The following ADAP1 variants were observed in gnomAD, a reference collection of about 807,000 sequenced individuals.
The protein encoded by ADAP1 is arf-GAP with dual PH domain-containing protein 1.
A neutral mutation model predicts 54.9 loss-of-function variants in ADAP1; 31 were observed. That is an observed-to-expected ratio of 0.56 (90% CI 0.42 to 0.76). The LOEUF is 0.76. ADAP1 is among the 30% of genes least tolerant of loss of function. The pLI is 0.00. For synonymous variants in ADAP1, 313 were observed against 202.6 expected, an observed-to-expected ratio of 1.55 and a Z score of -4.63; for missense variants, 535 against 512.4, an observed-to-expected ratio of 1.04 and a Z score of -0.42.
At chr7:934,696 C>A (rs2128108614) in intron 2 of ADAP1, among the ~76,000 whole-genome samples, 1 of 152,290 alleles carries the variant, frequency 6.6e-6, no homozygotes, top group East Asian at 1.9e-4. Context: ...GCCCTTCCTG[C>A]CGCCTCCAGC....
intron 4 of ADAP1, among the ~76,000 whole-genome samples, chr7:912,106 C>T (rs1274932410): frequency 6.6e-5 from 10 of 152,214 alleles, no homozygotes; most frequent in Admixed American, 1.3e-4. Flanking sequence ...TCCTGGGCTC[C>T]GTCTGCCCTG....
intron 3 of ADAP1, among the ~76,000 whole-genome samples, chr7:922,251 A>G (rs12669946): frequency 0.39 from 59,194 of 152,096 alleles, 12,870 homozygotes; most frequent in East Asian, 0.68. Flanking sequence ...CCCACGCCCC[A>G]GGAAGTGCCC....
chr7:919,238 C>T (rs916656269), intron 4 of ADAP1, among the ~76,000 whole-genome samples: 1 of 152,226 alleles, frequency 6.6e-6, no homozygotes, highest in Non-Finnish European at 1.5e-5. Flanking sequence ...AGAGGACGCC[C>T]TCACGCCCCT....
At chr7:902,849 TC>T (rs1844891350) in intron 6 of ADAP1, among the ~76,000 whole-genome samples, 1 of 152,146 alleles carries the variant, frequency 6.6e-6, no homozygotes, top group Admixed American at 6.5e-5. Context: ...GATGGAGGAA[TC>T]CGTGGTGCAA....
chr7:919,598 G>A (rs1191397257), intron 4 of ADAP1, among the ~76,000 whole-genome samples: 1 of 144,478 alleles, frequency 6.9e-6, no homozygotes, highest in African/African-American at 2.6e-5. Context: ...GAGAGAGGAA[G>A]AGAGACAGAG....
intron 6 of ADAP1, 40 bp from the exon 7 acceptor site, chr7:900,656 T>C (rs1260487139): frequency 8.7e-6 from 13 of 1,487,512 alleles, no homozygotes; most frequent in Non-Finnish European, 9.9e-6. Flanking sequence ...CTGAGGAGGC[T>C]GCAGCGCTGG....
rs1846173785 is a variant in ADAP1, at chr7:921,000, G to C, written c.306-950C>G. 1 of 803,946 alleles carries C rather than the reference G, an allele frequency of 1.2e-6. No individual in the cohort carries two copies. Among genetic ancestry groups the C allele is most frequent in the Non-Finnish European group, 2.0e-6 (1 of 510,018 alleles). The allele number at this position is 803,946 out of a possible 1,614,324, so 49.8% of individuals were successfully genotyped here. On this transcript the variant is annotated intron_variant, in intron 3 of 10. Transcript: ENST00000265846. This position sits in a 1 kb window ranked among gnomAD's most constrained non-coding sequence, Gnocchi z 4.5. ...AGGATCTGATGGGTGATGGGTCCCA[G>C]CTGGGTCTCTGGCCCCTGGCCCCAG...
At chr7:950,426 C>A (rs906985066) in intron 1 of ADAP1, among the ~76,000 whole-genome samples, 4 of 145,952 alleles carry the variant, frequency 2.7e-5, no homozygotes, top group Non-Finnish European at 5.9e-5. Context: ...GCGGAGCTTG[C>A]AGTGAGCTGA....
rs546020274 is a variant in ADAP1, at chr7:900,788, C to A, written c.649-172G>T. 54 of 656,086 alleles carry A rather than the reference C, an allele frequency of 8.2e-5. No homozygotes were observed. The East Asian group carries it at 1.5e-3, about 18-fold the overall frequency. 40.6% of individuals were successfully genotyped at this position (656,086 alleles called of 1,614,324 possible). On this transcript the variant is annotated intron_variant, in intron 6 of 10. Transcript: ENST00000265846. ...GCCGCAGGCCTGGCCCCTGTGCCCA[C>A]GCTGAGGCCGGGGCTGCTACACAGG...
At chr7:949,668 C>A (rs1385477143) in intron 1 of ADAP1, among the ~76,000 whole-genome samples, 1 of 152,210 alleles carries the variant, frequency 6.6e-6, no homozygotes, top group Non-Finnish European at 1.5e-5. Flanking sequence ...GGAGAGGGGG[C>A]CCAGTCTAGG....
chr7:946,076 G>A lies in ADAP1; in HGVS notation c.82+8320C>T, dbSNP rs1471701267. Among the ~76,000 whole-genome samples, 1 of 152,222 alleles carries A rather than the reference G, an allele frequency of 6.6e-6. No individual in the cohort carries two copies. Among genetic ancestry groups the A allele is most frequent in the Non-Finnish European group, 1.5e-5 (1 of 68,022 alleles). ...GAGGTGGGAGGGTGCCCTTGTGGGA[G>A]GGGCTCCGGTGCCCACCACCCTTCA... On this transcript the variant is annotated intron_variant, in intron 1 of 10. Coordinates refer to ENST00000265846, the MANE Select transcript of ADAP1 (RefSeq NM_006869.4). This position sits in a 1 kb window ranked among gnomAD's most constrained non-coding sequence, Gnocchi z 4.3.
intron 1 of ADAP1, among the ~76,000 whole-genome samples, chr7:950,300 G>A (rs1222872318): frequency 1.3e-5 from 2 of 152,026 alleles, no homozygotes; most frequent in South Asian, 2.1e-4. Context: ...CCTGGCTAAC[G>A]TGGTGAAACC....
At chr7:939,511 C>T (rs989438447) in intron 1 of ADAP1, among the ~76,000 whole-genome samples, 3 of 151,904 alleles carry the variant, frequency 2.0e-5, no homozygotes, top group Non-Finnish European at 4.4e-5. Flanking sequence ...AGCCACCACG[C>T]CCAGCCTACT....
intron 4 of ADAP1, among the ~76,000 whole-genome samples, chr7:906,709 C>CATCGGGGAT (rs1554272421): frequency 2.4e-5 from 1 of 41,688 alleles, no homozygotes; most frequent in African/African-American, 1.1e-4. Context: ...ACATGGGGGA[C>CATCGGGGAT]GGGACATCGG....
At chr7:933,461 G>C (rs545878601) in intron 2 of ADAP1, among the ~76,000 whole-genome samples, 8 of 94,770 alleles carry the variant, frequency 8.4e-5, no homozygotes, top group East Asian at 3.2e-4. Context: ...CCCAACCAGG[G>C]GCAGGGGTCA....
intron 1 of ADAP1, among the ~76,000 whole-genome samples, chr7:953,122 C>T (rs996840420): frequency 1.3e-5 from 2 of 152,238 alleles, no homozygotes; most frequent in Non-Finnish European, 2.9e-5. Context: ...TCCTGGGGAG[C>T]GTTCCTGAAC....
At chr7:928,833 G>A (rs57403078) in intron 2 of ADAP1, among the ~76,000 whole-genome samples, 37,444 of 152,234 alleles carry the variant, frequency 0.25, 5,494 homozygotes, top group Middle Eastern at 0.44. Context: ...AGAGTCCAGC[G>A]ATTCCTCTGC....
At chr7:902,477 A>ATGCCTGGGCGTGGTGGTGCGCGCCT (rs1554270766) in intron 6 of ADAP1, among the ~76,000 whole-genome samples, 159 of 142,458 alleles carry the variant, frequency 1.1e-3, no homozygotes, top group African/African-American at 1.6e-3. Flanking sequence ...AAAAAGAAAG[A>ATGCCTGGGCGTGGTGGTGCGCGCCT]AAAGAAAGAA....
chr7:935,953 C>T (rs553774305), intron 1 of ADAP1, among the ~76,000 whole-genome samples: 1 of 152,306 alleles, frequency 6.6e-6, no homozygotes, highest in African/African-American at 2.4e-5. Context: ...GATCTGAGTG[C>T]AGGGGGTGCC....
Sources: allele counts gnomAD v4.1 joint callset (sites outside exome capture counted in the v4.1 genomes callset), GRCh38; gene constraint gnomAD v4.1.1; non-coding constraint Gnocchi (gnomAD v3.1); transcripts MANE v1.5; gene names NCBI Gene and HGNC (gene_info 2026-07-23, HGNC 2026-07-21).